Variants in ERC2 observed in about 807,000 individuals in gnomAD.
ERC2 encodes ELKS/RAB6-interacting/CAST family member 2.
A neutral mutation model predicts 114.8 loss-of-function variants in ERC2; 42 were observed. That is an observed-to-expected ratio of 0.37 (90% CI 0.29 to 0.47). The LOEUF (loss-of-function observed/expected upper bound fraction) is 0.47. ERC2 is among the 20% of genes least tolerant of loss of function. The pLI, the probability that ERC2 is intolerant of heterozygous loss-of-function variation, is 0.99. For missense variants in ERC2, 939 were observed against 1,150.7 expected (o/e 0.82, Z 2.66); for synonymous variants, 454 against 425.5 (o/e 1.07, Z -0.82).
At position 55,510,399 on chromosome 3, in the gene ERC2, AAG is replaced by A. The variant is rs1340402383; in HGVS notation, c.*915_*916del. The A allele has an allele frequency of 5.9e-5, 9 of 152,416 alleles. No individual in the cohort carries two copies. The highest frequency in any genetic ancestry group is 2.9e-5 in the Non-Finnish European group (2 of 68,040). The allele number at this position is 152,416 out of a possible 1,614,324, so 9.4% of individuals were successfully genotyped here. A position where few individuals can be genotyped will look rare whatever the true frequency, so the allele number is the denominator to read the frequency against. ...GGAGACCTGCATGCACCGGGATGGT[AAG>A]AGTCTGAGGCTTGGTGGCGTCCCCA... On this transcript the variant is annotated 3_prime_UTR_variant, in exon 18 of 18. Transcript: ENST00000288221.
chr3:56,444,285 T>G (rs952402489), intron 1 of ERC2, among the ~76,000 whole-genome samples: 4 of 152,112 alleles, frequency 2.6e-5, no homozygotes, highest in Non-Finnish European at 5.9e-5. Flanking sequence ...CCTGCCAATC[T>G]TATATGTTTG....
Position 56,165,329 on chromosome 3 carries a change from T to TA in ERC2, c.1149+8116dup, listed in dbSNP as rs548215487. Among the ~76,000 whole-genome samples, 35 of 152,152 alleles carry TA rather than the reference T, an allele frequency of 2.3e-4. No individual in the cohort carries two copies. In the South Asian group the frequency reaches 7.3e-3, roughly 32 times the overall value. On this transcript the variant is annotated intron_variant, in intron 4 of 17. Transcript: ENST00000288221. ...TTGCATATGGCAATAGCTTTTTTTT[T>TA]ATTATTATACTTTAAGTTTTAGGGT...
At chr3:55,633,745 T>C (rs2059847389) in intron 17 of ERC2, among the ~76,000 whole-genome samples, 1 of 152,146 alleles carries the variant, frequency 6.6e-6, no homozygotes, top group Non-Finnish European at 1.5e-5. Context: ...TTCTGCTGAG[T>C]CCAGGAAGAG....
intron 14 of ERC2, among the ~76,000 whole-genome samples, chr3:55,751,857 C>A (rs2148969044): frequency 6.6e-6 from 1 of 152,268 alleles, no homozygotes; most frequent in East Asian, 1.9e-4. Flanking sequence ...TAAACACATG[C>A]TTTGGTTGGG....
intron 2 of ERC2, among the ~76,000 whole-genome samples, chr3:56,403,624 C>T (rs573529849): frequency 2.3e-4 from 35 of 152,210 alleles, no homozygotes; most frequent in African/African-American, 7.7e-4. Context: ...CTATTAAATC[C>T]GAATCTTTAT....
chr3:56,124,088 T>C (rs917337036), intron 6 of ERC2, among the ~76,000 whole-genome samples: 1 of 152,186 alleles, frequency 6.6e-6, no homozygotes, highest in African/African-American at 2.4e-5. Flanking sequence ...TAAGGATTAT[T>C]TGACATTACA....
intron 14 of ERC2, among the ~76,000 whole-genome samples, chr3:55,868,842 T>C (rs1219760895): frequency 6.6e-6 from 1 of 152,192 alleles, no homozygotes; most frequent in African/African-American, 2.4e-5. Context: ...CAATGGAAAG[T>C]GGCTCATGGT....
At chr3:55,726,104 C>A (rs180892833) in intron 15 of ERC2, among the ~76,000 whole-genome samples, 7 of 152,242 alleles carry the variant, frequency 4.6e-5, no homozygotes, top group African/African-American at 1.2e-4. Context: ...GCACTGAAGT[C>A]AAAAATAAAT....
At chr3:55,649,893 G>T (rs2060542842) in intron 17 of ERC2, among the ~76,000 whole-genome samples, 1 of 152,172 alleles carries the variant, frequency 6.6e-6, no homozygotes, top group Non-Finnish European at 1.5e-5. Context: ...TGTCTGATGG[G>T]GAACGGATTT....
At chr3:55,893,770 C>T (rs1347912725) in intron 13 of ERC2, among the ~76,000 whole-genome samples, 1 of 152,182 alleles carries the variant, frequency 6.6e-6, no homozygotes, top group Non-Finnish European at 1.5e-5. Flanking sequence ...TCTATCATTA[C>T]TTTTGACACC....
At chr3:55,597,016 T>A (rs999625614) in intron 17 of ERC2, among the ~76,000 whole-genome samples, 5 of 152,196 alleles carry the variant, frequency 3.3e-5, no homozygotes, top group African/African-American at 1.2e-4. Flanking sequence ...TCTCTTCAAG[T>A]ACATATGAAA....
At chr3:55,782,194 T>C (rs1238801676) in intron 14 of ERC2, among the ~76,000 whole-genome samples, 1 of 152,160 alleles carries the variant, frequency 6.6e-6, no homozygotes, top group East Asian at 1.9e-4. Flanking sequence ...GAGAAGGTTC[T>C]GCATGTGTCA....
Position 55,888,469 on chromosome 3 carries a change from C to T in ERC2, c.2484G>A (p.Gln828=). 6.2e-7 allele frequency: 1 copy of T among 1,613,918 alleles called. No homozygotes were observed. Among genetic ancestry groups the T allele is most frequent in the South Asian group, 1.1e-5 (1 of 91,074 alleles). ...ATKARLASTQ[Q]SLAEKEAHLA... ...AGTGCGCTTCTTTTTCGGCCAGGGA[C>T]TGTTGTGTGGAGGCGAGGCGTGCTT... The change falls in exon 14 of 18, where the codon CAG becomes CAA. Residue 828 remains glutamine (Q), a synonymous_variant. Coordinates refer to ENST00000288221, the MANE Select transcript of ERC2 (RefSeq NM_015576.3).
chr3:56,344,377 C>T (rs1006419951), intron 2 of ERC2, among the ~76,000 whole-genome samples: 1 of 152,116 alleles, frequency 6.6e-6, no homozygotes, highest in Non-Finnish European at 1.5e-5. Flanking sequence ...AACCTAACAG[C>T]GACATGTCTT....
intron 3 of ERC2, among the ~76,000 whole-genome samples, chr3:56,292,002 C>G (rs2055120492): frequency 6.6e-6 from 1 of 152,158 alleles, no homozygotes; most frequent in African/African-American, 2.4e-5. Context: ...TAATTAGAAG[C>G]ACTTTTTATT....
intron 10 of ERC2, among the ~76,000 whole-genome samples, chr3:55,994,319 A>G (rs2071318010): frequency 6.6e-6 from 1 of 152,136 alleles, no homozygotes; most frequent in African/African-American, 2.4e-5. Flanking sequence ...TTAAAAGTTC[A>G]CAAATAGCTA....
At chr3:56,242,351 T>C (rs966603154) in intron 3 of ERC2, among the ~76,000 whole-genome samples, 2 of 152,070 alleles carry the variant, frequency 1.3e-5, no homozygotes, top group African/African-American at 2.4e-5. Flanking sequence ...AGACTACATA[T>C]TGGGTACAGT....
In ERC2 at chr3:56,343,378, A is replaced by T. The variant is rs188442446; in HGVS notation, c.658-46943T>A. Among the ~76,000 whole-genome samples the T allele has an allele frequency of 3.3e-4, 50 of 152,150 alleles. 1 individual carries two copies. In the East Asian group the frequency reaches 9.3e-3, roughly 28 times the overall value. The stretch of plus-strand genomic sequence containing the variant: ...TAAGCACTTAATCGATAATTATCAA[A>T]TTTTAGGCTAGGCACAATGGGTTAT... On this transcript the variant is annotated intron_variant, in intron 2 of 17. Coordinates refer to ENST00000288221, the MANE Select transcript of ERC2 (RefSeq NM_015576.3).
intron 16 of ERC2, among the ~76,000 whole-genome samples, chr3:55,691,102 C>A (rs2148800771): frequency 6.6e-6 from 1 of 152,294 alleles, no homozygotes; most frequent in Non-Finnish European, 1.5e-5. Context: ...TAAAAACAAG[C>A]AAACAAATAA....
Sources: gnomAD v4.1 joint callset for allele counts (sites outside exome capture counted in the v4.1 genomes callset) on GRCh38, gnomAD v4.1.1 for gene constraint, MANE v1.5 for transcripts, NCBI Gene and HGNC (gene_info 2026-07-23, HGNC 2026-07-21) for gene names.